Variants in ANO3 observed in about 807,000 individuals in gnomAD.
ANO3 encodes the protein anoctamin 3, also known as anoctamin-3.
Under a neutral mutation model 144.8 loss-of-function variants are expected in ANO3, and 99 were observed. The observed-to-expected ratio is 0.68, with a 90% CI of 0.58 to 0.81. The LOEUF (loss-of-function observed/expected upper bound fraction) is 0.81, where lower values mean the gene tolerates loss of function less well. Ranked by LOEUF, ANO3 falls within the 30% of genes least tolerant of loss-of-function variation. The pLI, the probability that ANO3 is intolerant of heterozygous loss-of-function variation, is 0.00. For synonymous variants in ANO3, 414 were observed against 392.6 expected (o/e 1.05, Z -0.64); for missense variants, 905 against 1,202.2 (o/e 0.75, Z 3.66).
rs191262637 is a variant in ANO3 at position 26,565,801 on chromosome 11, C to G, written c.1447+6022C>G. 75 of 1,611,172 alleles carry G rather than the reference C, an allele frequency of 4.7e-5. 1 individual carries two copies. In the African/African-American group the frequency reaches 8.3e-4, roughly 18 times the overall value. On this transcript the variant is annotated intron_variant, in intron 14 of 26. Transcript: ENST00000256737. ...TCTTGATTTTCTTTTCCATGGCTCCCCGATAGAAGTGAATAAAACAACGTT... is the reference window on the plus strand; with the variant it reads ...TCTTGATTTTCTTTTCCATGGCTCCGCGATAGAAGTGAATAAAACAACGTT...
intron 1 of ANO3, among the ~76,000 whole-genome samples, chr11:26,383,556 G>A (rs1432134855): frequency 2.5e-5 from 3 of 119,808 alleles, no homozygotes; most frequent in African/African-American, 8.2e-5. Flanking sequence ...TATCCTAAAT[G>A]ACTTTAGACT....
chr11:26,567,299 T>C (rs549642139), intron 14 of ANO3, among the ~76,000 whole-genome samples: 11 of 151,920 alleles, frequency 7.2e-5, no homozygotes, highest in Non-Finnish European at 1.5e-4. Flanking sequence ...TGTTTTTGAA[T>C]TGAACCTTAT....
chr11:26,531,326 C>T lies in ANO3; in HGVS notation c.859C>T (p.Arg287Trp), dbSNP rs779890833. Residue 287 changes from arginine to tryptophan, a missense_variant, in exon 8 of 27, where the codon CGG (arginine) becomes TGG (tryptophan). Coordinates refer to ENST00000256737, the MANE Select transcript of ANO3 (RefSeq NM_031418.4). ...CTATACTGGCCCCTTCAGCCGTGCA[C>T]GGATTCACCAGTGAGTTCCCCTCTT... is the stretch of plus-strand genomic sequence containing the variant. The part of the protein sequence containing the change: ...DCYTGPFSRA[R>W]IHHFIINNKD... 9 of 1,606,836 alleles carry T rather than the reference C, an allele frequency of 5.6e-6. No individual in the cohort carries two copies. Among genetic ancestry groups the T allele is most frequent in the Admixed American group, 1.7e-5 (1 of 58,560 alleles).
chr11:26,249,392 A>T (rs1852874585), intron 1 of ANO3, among the ~76,000 whole-genome samples: 2 of 152,210 alleles, frequency 1.3e-5, no homozygotes, highest in South Asian at 4.1e-4. Flanking sequence ...ATTGAAAGGG[A>T]TAGAGTGATA....
intron 1 of ANO3, among the ~76,000 whole-genome samples, chr11:26,295,326 G>A (rs1287633728): frequency 1.3e-5 from 2 of 151,560 alleles, no homozygotes; most frequent in African/African-American, 4.9e-5. Flanking sequence ...AGACCATCCT[G>A]GCTAACACGG....
intron 1 of ANO3, among the ~76,000 whole-genome samples, chr11:26,224,442 A>G (rs751359624): frequency 6.6e-5 from 10 of 152,226 alleles, no homozygotes; most frequent in African/African-American, 2.4e-4. Flanking sequence ...CCATGTTGCT[A>G]TAGTTTCCCT....
intron 1 of ANO3, among the ~76,000 whole-genome samples, chr11:26,356,654 G>C (rs960848544): frequency 8.5e-5 from 13 of 152,068 alleles, no homozygotes; most frequent in Non-Finnish European, 5.9e-5. Flanking sequence ...CCACAAATTA[G>C]TGAATTAAAC....
chr11:26,310,286 C>T (rs543368074), intron 1 of ANO3, among the ~76,000 whole-genome samples: 5 of 152,208 alleles, frequency 3.3e-5, no homozygotes, highest in African/African-American at 1.2e-4. Flanking sequence ...TTGAGGCCCG[C>T]TTTTCAAGAG....
At chr11:26,532,264 G>A (rs1189406862) in intron 8 of ANO3, among the ~76,000 whole-genome samples, 3 of 152,128 alleles carry the variant, frequency 2.0e-5, no homozygotes, top group African/African-American at 7.2e-5. Flanking sequence ...CAGTGATATT[G>A]TAGTGGCAGA....
intron 1 of ANO3, among the ~76,000 whole-genome samples, chr11:26,272,668 A>G (rs1853467793): frequency 6.6e-6 from 1 of 152,188 alleles, no homozygotes; most frequent in Non-Finnish European, 1.5e-5. Flanking sequence ...TCTGCCAACT[A>G]AGAGACAGCA....
chr11:26,269,294 G>T (rs1853385956), intron 1 of ANO3, among the ~76,000 whole-genome samples: 1 of 152,170 alleles, frequency 6.6e-6, no homozygotes, highest in Non-Finnish European at 1.5e-5. Context: ...ACTTCCTTAG[G>T]CACCTCTGCC....
chr11:26,508,535 A>G (rs1233290157), intron 5 of ANO3: 1 of 376,056 alleles, frequency 2.7e-6, no homozygotes, highest in Non-Finnish European at 4.7e-6. Flanking sequence ...TATGTCAAGT[A>G]GAAAACTTTA....
intron 4 of ANO3, among the ~76,000 whole-genome samples, chr11:26,483,045 T>A (rs1042143496): frequency 2.0e-5 from 3 of 146,700 alleles, no homozygotes; most frequent in Non-Finnish European, 4.4e-5. Context: ...AGTGCAGGTA[T>A]TTTTTTTTCA....
intron 3 of ANO3, among the ~76,000 whole-genome samples, chr11:26,446,400 T>C (rs1157763194): frequency 6.6e-6 from 1 of 152,232 alleles, no homozygotes; most frequent in Non-Finnish European, 1.5e-5. Flanking sequence ...AATGGCTTTT[T>C]TACAGTTAAC....
chr11:26,544,273 T>TATATATATACACACACAC lies in ANO3; in HGVS notation c.1154+2206_1154+2207insTATATATACACACACACA. 3.7e-3 allele frequency among the ~76,000 whole-genome samples: 217 copies of TATATATATACACACACAC among 58,560 alleles called. 5 individuals are homozygous for TATATATATACACACACAC. The highest frequency in any genetic ancestry group is 0.02 in the East Asian group (17 of 868). The allele number at this position is 58,560 out of a possible 152,430, so 38.4% of individuals were successfully genotyped here. A position where few individuals can be genotyped will look rare whatever the true frequency, so the allele number is the denominator to read the frequency against. On this transcript the variant is annotated intron_variant, in intron 11 of 26. Coordinates refer to ENST00000256737, the MANE Select transcript of ANO3 (RefSeq NM_031418.4). ...ATACATATATATATATATATATATA[T>TATATATATACACACACAC]ACACACATACACACACACACACACA...
intron 14 of ANO3, among the ~76,000 whole-genome samples, chr11:26,595,601 C>G (rs567324260): frequency 6.6e-6 from 1 of 150,440 alleles, no homozygotes; most frequent in Non-Finnish European, 1.5e-5. Context: ...CTATCAATTA[C>G]TGAATACCCA....
At chr11:26,489,398 C>A (rs1466114241) in intron 4 of ANO3, among the ~76,000 whole-genome samples, 1 of 152,186 alleles carries the variant, frequency 6.6e-6, no homozygotes, top group African/African-American at 2.4e-5. Context: ...AGGGGTGCAG[C>A]CCTCATGGAG....
At chr11:26,237,286 A>C (rs189453265) in intron 1 of ANO3, among the ~76,000 whole-genome samples, 49 of 152,244 alleles carry the variant, frequency 3.2e-4, no homozygotes, top group African/African-American at 1.1e-3. Context: ...TTTACATCTG[A>C]AATAAGGTAA....
chr11:26,363,138 T>C (rs1322567158), intron 1 of ANO3, among the ~76,000 whole-genome samples: 2 of 152,322 alleles, frequency 1.3e-5, no homozygotes, highest in Admixed American at 1.3e-4. Flanking sequence ...TTTAGTTCTT[T>C]TTTCATCCTT....
Sources: allele counts gnomAD v4.1 joint callset (sites outside exome capture counted in the v4.1 genomes callset), GRCh38; gene constraint gnomAD v4.1.1; transcripts MANE v1.5; gene names NCBI Gene and HGNC (gene_info 2026-07-23, HGNC 2026-07-21).